Variants in NEDD1 observed in about 807,000 individuals in gnomAD.
NEDD1 encodes protein NEDD1.
NEDD1 carries 33 observed loss-of-function variants against 74.0 expected under a neutral mutation model. The observed-to-expected ratio is 0.45, with a 90% CI of 0.34 to 0.60. The LOEUF (loss-of-function observed/expected upper bound fraction) is 0.60. NEDD1 is among the 20% of genes least tolerant of loss of function. NEDD1 has a pLI of 0.01. For synonymous variants in NEDD1, 250 were observed against 264.4 expected (o/e 0.95, Z 0.53); for missense variants, 746 against 776.5 (o/e 0.96, Z 0.47).
chr12:96,913,371 A>T (rs2136512908), intron 4 of NEDD1, among the ~76,000 whole-genome samples: 1 of 149,682 alleles, frequency 6.7e-6, no homozygotes, highest in East Asian at 2.0e-4. Flanking sequence ...CTGTTGCCTT[A>T]TCCTTTTTTT....
At chr12:96,909,698 G>T in intron 2 of NEDD1, 54 bp from the exon 3 acceptor site, 7 of 1,432,340 alleles carry the variant, frequency 4.9e-6, no homozygotes, top group Admixed American at 2.0e-5. Flanking sequence ...ACCTTTTTTT[G>T]AGTATGTCTA....
In NEDD1 at chr12:96,935,051, C is replaced by T. The variant is rs1876949101; in HGVS notation, c.565C>T (p.Leu189Phe). 2 of 1,611,832 alleles carry T rather than the reference C, an allele frequency of 1.2e-6. No individual in the cohort carries two copies. Among genetic ancestry groups the T allele is most frequent in the Non-Finnish European group, 1.7e-6 (2 of 1,177,932 alleles). The part of the protein sequence containing the change: ...GSVSDNGIVT[L>F]WDVNSQSPYH... ...TGTTTCGGATAATGGAATAGTAACT[C>T]TCTGGGATGTAAATAGTCAGAGTCC... The change falls in exon 7 of 16, where the codon CTC becomes TTC. Residue 189 changes from leucine (L) to phenylalanine (F), a missense_variant. Leu to Phe is a conservative substitution (Grantham distance 22). Transcript: ENST00000266742.
At chr12:96,916,399 TC>T (rs1199506253) in intron 4 of NEDD1, among the ~76,000 whole-genome samples, 1 of 75,146 alleles carries the variant, frequency 1.3e-5, no homozygotes, top group African/African-American at 5.3e-5. Flanking sequence ...ATGCTATCCC[TC>T]CCCCCTCCCC....
chr12:96,923,121 GAAAAAA>G (rs74829808), intron 6 of NEDD1, among the ~76,000 whole-genome samples: 1 of 146,286 alleles, frequency 6.8e-6, no homozygotes, highest in Non-Finnish European at 1.5e-5. Context: ...TGTCTCAAAA[GAAAAAA>G]AAAAGCAAGG....
chr12:96,945,636 G>T, intron 13 of NEDD1, 57 bp from the exon 14 acceptor site: 1 of 1,074,672 alleles, frequency 9.3e-7, no homozygotes, highest in Non-Finnish European at 1.4e-6. Context: ...ATTTAGAAAT[G>T]TTTGATGTCT....
chr12:96,942,484 G>T, intron 10 of NEDD1, 93 bp from the exon 11 acceptor site: 1 of 702,782 alleles, frequency 1.4e-6, no homozygotes, highest in Non-Finnish European at 2.6e-6. Context: ...AAGATTGTTA[G>T]TCTCTGAACT....
chr12:96,913,713 A>G (rs1236963151), intron 4 of NEDD1, among the ~76,000 whole-genome samples: 1 of 152,180 alleles, frequency 6.6e-6, no homozygotes, highest in Non-Finnish European at 1.5e-5. Context: ...ATTAAGGATA[A>G]TACTGGCTTC....
intron 14 of NEDD1, among the ~76,000 whole-genome samples, chr12:96,950,836 GTGTTTCTTT>G (rs1371477616): frequency 2.6e-5 from 4 of 151,678 alleles, no homozygotes; most frequent in Admixed American, 2.6e-4. Flanking sequence ...GGGTGACTGA[GTGTTTCTTT>G]TGTTATTATA....
intron 6 of NEDD1, among the ~76,000 whole-genome samples, chr12:96,932,442 TAAAAAAA>T (rs747225218): frequency 1.2e-3 from 13 of 10,646 alleles, no homozygotes; most frequent in Non-Finnish European, 1.2e-3. Flanking sequence ...TCCTGTCTCT[TAAAAAAA>T]AAAAAAAAAA....
intron 14 of NEDD1, among the ~76,000 whole-genome samples, chr12:96,946,413 A>G (rs1428129963): frequency 6.6e-6 from 1 of 152,166 alleles, no homozygotes; most frequent in Non-Finnish European, 1.5e-5. Flanking sequence ...TTCAATTATT[A>G]AAATCATTGG....
At chr12:96,934,139 A>C (rs1240700352) in intron 6 of NEDD1, among the ~76,000 whole-genome samples, 1 of 152,086 alleles carries the variant, frequency 6.6e-6, no homozygotes, top group Non-Finnish European at 1.5e-5. Flanking sequence ...TCAGTGCATC[A>C]GATGCTCAGA....
At chr12:96,936,503 C>A (rs572908510) in intron 7 of NEDD1, 108 bp from the exon 8 acceptor site, 5 of 687,422 alleles carry the variant, frequency 7.3e-6, no homozygotes, top group Admixed American at 2.6e-5. Flanking sequence ...TGCTCTTTGA[C>A]CAGTTTGAAG....
Position 96,907,870 on chromosome 12 carries a change from TG to T in NEDD1, c.-9+16del, listed in dbSNP as rs753630054. 6 of 1,347,238 alleles carry T rather than the reference TG, an allele frequency of 4.5e-6. No individual in the cohort carries two copies. The highest frequency in any genetic ancestry group is 5.7e-6 in the Non-Finnish European group (6 of 1,047,028). 83.5% of individuals were successfully genotyped at this position (1,347,238 alleles called of 1,614,324 possible). On this transcript the variant is annotated intron_variant, in intron 2 of 15. Transcript: ENST00000266742. Reference sequence around the variant, plus strand: ...TAGAAGACCGAGGTAGGTGGGCAGATGGTCCTCTTCCCCGCCCCGCTTTAAG... The same window carrying T: ...TAGAAGACCGAGGTAGGTGGGCAGATGTCCTCTTCCCCGCCCCGCTTTAAG...
At chr12:96,948,249 C>CT (rs746064339) in intron 14 of NEDD1, among the ~76,000 whole-genome samples, 2 of 152,102 alleles carry the variant, frequency 1.3e-5, no homozygotes, top group Non-Finnish European at 2.9e-5. Flanking sequence ...CTTGTCCCTA[C>CT]TTTTTTTACA....
intron 12 of NEDD1, 25 bp downstream of exon 12, chr12:96,943,787 A>T: frequency 6.8e-7 from 1 of 1,460,738 alleles, no homozygotes; most frequent in East Asian, 2.3e-5. Context: ...ATGATACTGA[A>T]CTCACTGTAT....
chr12:96,939,419 A>C (rs543688017), intron 9 of NEDD1, among the ~76,000 whole-genome samples: 5 of 152,212 alleles, frequency 3.3e-5, no homozygotes, highest in African/African-American at 9.6e-5. Context: ...ACAATAGTAC[A>C]AATGATTTGG....
chr12:96,930,016 A>T (rs1470263747), intron 6 of NEDD1, among the ~76,000 whole-genome samples: 1 of 152,030 alleles, frequency 6.6e-6, no homozygotes, highest in Non-Finnish European at 1.5e-5. Context: ...CACCAGTACC[A>T]TGAAGGACTT....
At chr12:96,948,966 C>A (rs1354648599) in intron 14 of NEDD1, among the ~76,000 whole-genome samples, 1 of 152,160 alleles carries the variant, frequency 6.6e-6, no homozygotes, top group African/African-American at 2.4e-5. Flanking sequence ...CAACAGATGT[C>A]TTGAGGGGAA....
chr12:96,911,178 C>G (rs1196495379), intron 3 of NEDD1, among the ~76,000 whole-genome samples: 1 of 152,136 alleles, frequency 6.6e-6, no homozygotes. Flanking sequence ...TTGCTGTTCT[C>G]TATTTTTAGA....
Sources: gnomAD v4.1 joint callset for allele counts (sites outside exome capture counted in the v4.1 genomes callset) on GRCh38, gnomAD v4.1.1 for gene constraint, MANE v1.5 for transcripts, NCBI Gene and HGNC (gene_info 2026-07-23, HGNC 2026-07-21) for gene names.